AP3B1: variants seen among roughly 807,000 people sequenced by gnomAD.
AP3B1 encodes the protein adaptor related protein complex 3 subunit beta 1.
AP3B1 carries 61 observed loss-of-function variants against 132.5 expected under a neutral mutation model. The ratio of observed to expected loss-of-function variants is 0.46; its 90% confidence interval spans 0.37 to 0.57. AP3B1 has a LOEUF of 0.57. Ranked by LOEUF, AP3B1 falls within the 20% of genes least tolerant of loss-of-function variation. The pLI, the probability that AP3B1 is intolerant of heterozygous loss-of-function variation, is 0.00. For synonymous variants in AP3B1, 388 were observed against 438.3 expected (o/e 0.89, Z 1.43); for missense variants, 1,120 against 1,289.4 (o/e 0.87, Z 2.01).
At chr5:78,219,334 T>C (rs1264057089) in intron 6 of AP3B1, among the ~76,000 whole-genome samples, 3 of 152,044 alleles carry the variant, frequency 2.0e-5, no homozygotes, top group African/African-American at 7.2e-5. Flanking sequence ...TCAACAAATA[T>C]GGATTGCTAC....
chr5:78,185,410 C>T (rs769662112), intron 7 of AP3B1, among the ~76,000 whole-genome samples: 2 of 151,900 alleles, frequency 1.3e-5, no homozygotes, highest in South Asian at 4.2e-4. Context: ...AAAGGACATA[C>T]CTAAGAAAAC....
intron 17 of AP3B1, among the ~76,000 whole-genome samples, chr5:78,121,427 A>G (rs1373681541): frequency 6.6e-6 from 1 of 152,220 alleles, no homozygotes; most frequent in African/African-American, 2.4e-5. Flanking sequence ...GAAAAGATCA[A>G]CAAAATTGAT....
At chr5:78,124,387 A>G (rs1410480872) in intron 17 of AP3B1, among the ~76,000 whole-genome samples, 2 of 152,120 alleles carry the variant, frequency 1.3e-5, no homozygotes, top group Non-Finnish European at 1.5e-5. Flanking sequence ...AAATCTCCAT[A>G]TGATTATAAT....
intron 2 of AP3B1, among the ~76,000 whole-genome samples, chr5:78,247,938 T>G (rs1747446121): frequency 1.3e-5 from 2 of 152,180 alleles, no homozygotes; most frequent in African/African-American, 4.8e-5. Context: ...CTTAGAAAAT[T>G]TTTAGTATTT....
intron 26 of AP3B1, 44 bp from the exon 27 acceptor site, chr5:78,003,099 G>A (rs766132650): frequency 1.3e-6 from 2 of 1,598,984 alleles, no homozygotes; most frequent in Non-Finnish European, 1.7e-6. Flanking sequence ...AGATGGGGAG[G>A]GTAAAGGAGA....
intron 15 of AP3B1, among the ~76,000 whole-genome samples, chr5:78,134,643 T>C (rs1443716863): frequency 6.6e-6 from 1 of 152,118 alleles, no homozygotes; most frequent in Non-Finnish European, 1.5e-5. Flanking sequence ...CAGGTTCAAG[T>C]GATTCTCCTG....
Position 78,060,412 on chromosome 5 carries a change from G to A in AP3B1, c.2578-21138C>T, listed in dbSNP as rs185335518. Among the ~76,000 whole-genome samples, 80 of 152,250 alleles carry A rather than the reference G, an allele frequency of 5.3e-4. 1 individual carries two copies. Among genetic ancestry groups the A allele is most frequent in the Non-Finnish European group, 8.8e-5 (6 of 68,012 alleles). ...GTATCGGTCTGATAGAAACACACAT[G>A]TAGAAGGACAAAATGTTTCTTTGTG... is the stretch of plus-strand genomic sequence containing the variant. On this transcript the variant is annotated intron_variant, in intron 22 of 26. Transcript: ENST00000255194.
At chr5:78,049,195 C>T (rs1748472431) in intron 22 of AP3B1, among the ~76,000 whole-genome samples, 1 of 152,194 alleles carries the variant, frequency 6.6e-6, no homozygotes, top group Non-Finnish European at 1.5e-5. Flanking sequence ...ACAATAACAA[C>T]AAAGTACGGC....
At chr5:78,052,486 G>A (rs2112126905) in intron 22 of AP3B1, among the ~76,000 whole-genome samples, 1 of 152,202 alleles carries the variant, frequency 6.6e-6, no homozygotes, top group Non-Finnish European at 1.5e-5. Flanking sequence ...AAAATGATAT[G>A]AAATTCATTT....
chr5:78,239,105 CA>C (rs1425748637), intron 3 of AP3B1, among the ~76,000 whole-genome samples: 1 of 151,496 alleles, frequency 6.6e-6, no homozygotes, highest in Non-Finnish European at 1.5e-5. Context: ...CAGGAAAACC[CA>C]AAGAGTTATG....
At chr5:78,285,040 G>A (rs988106688) in intron 1 of AP3B1, among the ~76,000 whole-genome samples, 1 of 152,146 alleles carries the variant, frequency 6.6e-6, no homozygotes, top group Admixed American at 6.5e-5. Context: ...GAGGTCAGGA[G>A]ATGGAGACCA....
intron 22 of AP3B1, among the ~76,000 whole-genome samples, chr5:78,088,479 T>C (rs1247414295): frequency 1.3e-5 from 2 of 152,104 alleles, no homozygotes; most frequent in Non-Finnish European, 2.9e-5. Context: ...CCTGATAGCA[T>C]ATTTGCTTTA....
intron 1 of AP3B1, among the ~76,000 whole-genome samples, chr5:78,273,594 CA>C (rs1224004549): frequency 6.6e-6 from 1 of 152,042 alleles, no homozygotes; most frequent in Non-Finnish European, 1.5e-5. Flanking sequence ...GAACCAGAGA[CA>C]AGGTACACAA....
chr5:78,069,327 T>C (rs2112159181), intron 22 of AP3B1, among the ~76,000 whole-genome samples: 1 of 152,368 alleles, frequency 6.6e-6, no homozygotes, highest in South Asian at 2.1e-4. Flanking sequence ...TGTTTGCAGA[T>C]GACATGATCT....
intron 7 of AP3B1, among the ~76,000 whole-genome samples, chr5:78,201,560 C>T (rs537647329): frequency 1.1e-4 from 17 of 152,212 alleles, no homozygotes; most frequent in African/African-American, 3.4e-4. Flanking sequence ...GGAAGATGTA[C>T]CAAAAAGAAT....
intron 14 of AP3B1, among the ~76,000 whole-genome samples, chr5:78,141,651 C>G (rs565562551): frequency 1.3e-5 from 2 of 152,250 alleles, no homozygotes; most frequent in African/African-American, 4.8e-5. Context: ...TCTGTTGCTG[C>G]TTTTGTGCTA....
At chr5:78,203,723 T>C (rs1446595155) in intron 7 of AP3B1, among the ~76,000 whole-genome samples, 1 of 152,206 alleles carries the variant, frequency 6.6e-6, no homozygotes, top group Non-Finnish European at 1.5e-5. Context: ...TTATGTGTGT[T>C]GGTGCACTTG....
rs747424975 is a variant in AP3B1, at chr5:78,034,453, A to G, written c.2810-8T>C. On this transcript the variant is annotated splice_region_variant and splice_polypyrimidine_tract_variant and intron_variant, in intron 23 of 26. Transcript: ENST00000255194. ...CCTCAGGCTCAAGAGAGTCTAGGAAATAAGATAATTTAGACATGAAAACAC... is the reference window on the plus strand; with the variant it reads ...CCTCAGGCTCAAGAGAGTCTAGGAAGTAAGATAATTTAGACATGAAAACAC... 1 of 1,598,162 alleles carries G rather than the reference A, an allele frequency of 6.3e-7. No homozygotes were observed. The highest frequency in any genetic ancestry group is 8.6e-7 in the Non-Finnish European group (1 of 1,165,814).
chr5:78,189,075 G>T (rs1744719262), intron 7 of AP3B1, among the ~76,000 whole-genome samples: 2 of 151,934 alleles, frequency 1.3e-5, no homozygotes, highest in African/African-American at 2.4e-5. Flanking sequence ...GGCCTGTCAG[G>T]GCAGGGTTAG....
Sources: allele counts gnomAD v4.1 joint callset (sites outside exome capture counted in the v4.1 genomes callset), GRCh38; gene constraint gnomAD v4.1.1; transcripts MANE v1.5; gene names NCBI Gene and HGNC (gene_info 2026-07-23, HGNC 2026-07-21).